Variants in FCHSD2 observed in about 807,000 individuals in gnomAD.
FCHSD2 encodes F-BAR and double SH3 domains protein 2.
A neutral mutation model predicts 108.1 loss-of-function variants in FCHSD2; 38 were observed. The ratio of observed to expected loss-of-function variants is 0.35; its 90% confidence interval spans 0.27 to 0.46. The LOEUF (loss-of-function observed/expected upper bound fraction) is 0.46, where lower values mean the gene tolerates loss of function less well. Ranked by LOEUF, FCHSD2 falls within the 20% of genes least tolerant of loss-of-function variation. The pLI, the probability that FCHSD2 is intolerant of heterozygous loss-of-function variation, is 1.00. For synonymous variants in FCHSD2, 279 were observed against 314.7 expected, an observed-to-expected ratio of 0.89 and a Z score of 1.20; for missense variants, 751 against 897.8, an observed-to-expected ratio of 0.84 and a Z score of 2.09.
In FCHSD2 at chr11:72,909,071, C is replaced by T. The variant is rs551259589; in HGVS notation, c.829-6433G>A. ...CCTTCCCCTCCCCCCTCCATCTCTC[C>T]GGTCTCCCTCTGTTGCCGATACTGC... On this transcript the variant is annotated intron_variant, in intron 9 of 19. Coordinates refer to ENST00000409418, the MANE Select transcript of FCHSD2 (RefSeq NM_014824.3). Among the ~76,000 whole-genome samples, 78 of 152,246 alleles carry T rather than the reference C, an allele frequency of 5.1e-4. 1 individual carries two copies. The highest frequency in any genetic ancestry group is 3.4e-3 in the Middle Eastern group (1 of 294).
chr11:72,895,757 T>C (rs1855404802), intron 10 of FCHSD2, among the ~76,000 whole-genome samples: 1 of 152,214 alleles, frequency 6.6e-6, no homozygotes, highest in Admixed American at 6.5e-5. Flanking sequence ...TTGCTAATTC[T>C]AAAACGCAAC....
chr11:73,084,700 T>C (rs1859773843), intron 2 of FCHSD2, among the ~76,000 whole-genome samples: 1 of 152,252 alleles, frequency 6.6e-6, no homozygotes. Flanking sequence ...AGCCAGTACA[T>C]CCTTCACCTG....
chr11:73,135,562 A>G (rs1435339907), intron 2 of FCHSD2, among the ~76,000 whole-genome samples: 1 of 152,192 alleles, frequency 6.6e-6, no homozygotes, highest in East Asian at 1.9e-4. Flanking sequence ...AACTTATTGT[A>G]AGTGGTCTTA....
chr11:73,103,149 T>C (rs1860262058), intron 2 of FCHSD2, among the ~76,000 whole-genome samples: 1 of 152,208 alleles, frequency 6.6e-6, no homozygotes, highest in Middle Eastern at 3.2e-3. Context: ...GGAAATGTTC[T>C]ATATATTGAG....
At position 72,842,615 on chromosome 11, in the gene FCHSD2, A is replaced by C. The variant is rs776986374; in HGVS notation, c.1926+6T>G. 1.2e-6 allele frequency: 2 copies of C among 1,613,950 alleles called. No homozygotes were observed. Among genetic ancestry groups the C allele is most frequent in the South Asian group, 2.2e-5 (2 of 91,082 alleles). ...TTTTAATTCAACTGTCTCCCCTCTCAGGTACCTGAATCTCTCTCATCCATG... is the reference window on the plus strand; with the variant it reads ...TTTTAATTCAACTGTCTCCCCTCTCCGGTACCTGAATCTCTCTCATCCATG... On this transcript the variant is annotated splice_donor_region_variant and intron_variant, in intron 17 of 19. Coordinates refer to ENST00000409418, the MANE Select transcript of FCHSD2 (RefSeq NM_014824.3).
chr11:73,078,874 C>T (rs1039268611), intron 3 of FCHSD2, among the ~76,000 whole-genome samples: 1 of 152,114 alleles, frequency 6.6e-6, no homozygotes, highest in South Asian at 2.1e-4. Flanking sequence ...TGCGTCACCT[C>T]GCCTGGCTAA....
chr11:73,079,514 A>G (rs1859633622), intron 3 of FCHSD2, among the ~76,000 whole-genome samples: 1 of 152,164 alleles, frequency 6.6e-6, no homozygotes, highest in South Asian at 2.1e-4. Flanking sequence ...TAAATAATTT[A>G]AATAATGCAA....
At chr11:72,919,124 TA>T (rs561553137) in intron 9 of FCHSD2, among the ~76,000 whole-genome samples, 26 of 151,956 alleles carry the variant, frequency 1.7e-4, no homozygotes, top group Non-Finnish European at 3.2e-4. Context: ...TAATATAAAA[TA>T]AAAAAAATCT....
chr11:72,929,494 A>G (rs115044314), intron 8 of FCHSD2, among the ~76,000 whole-genome samples: 286 of 152,318 alleles, frequency 1.9e-3, no homozygotes, highest in African/African-American at 6.4e-3. Flanking sequence ...TTAATGCAGG[A>G]GATACAAAAA....
rs138622197 is a variant in FCHSD2 at position 73,124,819 on chromosome 11, G to A, written c.119+15212C>T. On this transcript the variant is annotated intron_variant, in intron 2 of 19. Transcript: ENST00000409418. ...GGTTTCATGAAAAGCATCAACCATT[G>A]AATGATGAACCCCAAACAAGATAAT... is the stretch of plus-strand genomic sequence containing the variant. Among the ~76,000 whole-genome samples, 4 of 151,028 alleles carry A rather than the reference G, an allele frequency of 2.6e-5. No homozygotes were observed. The East Asian group carries it at 7.8e-4, about 29-fold the overall frequency.
intron 13 of FCHSD2, among the ~76,000 whole-genome samples, chr11:72,862,456 T>C (rs764892125): frequency 7.2e-5 from 11 of 152,144 alleles, no homozygotes; most frequent in African/African-American, 1.4e-4. Context: ...CAATGAACAA[T>C]TGGAAACTGA....
intron 8 of FCHSD2, among the ~76,000 whole-genome samples, chr11:72,923,376 A>G (rs1856011625): frequency 6.6e-6 from 1 of 152,158 alleles, no homozygotes; most frequent in South Asian, 2.1e-4. Flanking sequence ...GAACTGTCAA[A>G]CTGTTTTCCA....
At position 72,875,499 on chromosome 11, in the gene FCHSD2, T is replaced by C. The variant is rs78766352; in HGVS notation, c.1147-7473A>G. On this transcript the variant is annotated intron_variant, in intron 12 of 19. Transcript: ENST00000409418. Reference sequence around the variant, plus strand: ...GAAGCATATGCCACCACATCTAATGTTAAAGTTTTTTGTAGAGATGGGGTC... The same window carrying C: ...GAAGCATATGCCACCACATCTAATGCTAAAGTTTTTTGTAGAGATGGGGTC... Among the ~76,000 whole-genome samples, 48 of 152,252 alleles carry C rather than the reference T, an allele frequency of 3.2e-4. No homozygotes were observed. The East Asian group carries it at 8.7e-3, about 28-fold the overall frequency.
intron 14 of FCHSD2, 170 bp from the exon 15 acceptor site, chr11:72,843,702 T>C (rs1220122196): frequency 1.0e-5 from 6 of 599,416 alleles, no homozygotes; most frequent in South Asian, 4.2e-5. Context: ...AGTTTTACTT[T>C]AAAAAACTAA....
chr11:72,904,421 A>G (rs1855587340), intron 9 of FCHSD2, among the ~76,000 whole-genome samples: 1 of 152,190 alleles, frequency 6.6e-6, no homozygotes, highest in African/African-American at 2.4e-5. Context: ...GAAAATTTCA[A>G]ATACATATGT....
At chr11:72,948,373 G>A (rs183343329) in intron 8 of FCHSD2, among the ~76,000 whole-genome samples, 1 of 152,166 alleles carries the variant, frequency 6.6e-6, no homozygotes, top group East Asian at 1.9e-4. Context: ...ATTACTGAAT[G>A]TTTCATTTTT....
chr11:72,883,775 T>C (rs759524120), intron 12 of FCHSD2, among the ~76,000 whole-genome samples: 1 of 151,494 alleles, frequency 6.6e-6, no homozygotes, highest in East Asian at 1.9e-4. Context: ...TACAAAAAAA[T>C]AGAAAAATTA....
chr11:73,054,791 C>G (rs1858984750), intron 3 of FCHSD2, among the ~76,000 whole-genome samples: 1 of 152,142 alleles, frequency 6.6e-6, no homozygotes, highest in Non-Finnish European at 1.5e-5. Context: ...TCCCCCCCAC[C>G]TCGGCCTCTA....
At chr11:72,894,623 G>C (rs188934820) in intron 10 of FCHSD2, among the ~76,000 whole-genome samples, 1 of 152,120 alleles carries the variant, frequency 6.6e-6, no homozygotes, top group East Asian at 1.9e-4. Flanking sequence ...ATCCTCAAAA[G>C]GACTTCTTCA....
Sources: gnomAD v4.1 joint callset for allele counts (sites outside exome capture counted in the v4.1 genomes callset) on GRCh38, gnomAD v4.1.1 for gene constraint, MANE v1.5 for transcripts, NCBI Gene and HGNC (gene_info 2026-07-23, HGNC 2026-07-21) for gene names.